The following LINGO2 variants were observed in gnomAD, a reference collection of about 807,000 sequenced individuals.
LINGO2 encodes leucine-rich repeat and immunoglobulin-like domain-containing nogo receptor-interacting protein 2.
LINGO2 carries 14 observed loss-of-function variants against 30.6 expected under a neutral mutation model. The observed-to-expected ratio is 0.46, with a 90% CI of 0.30 to 0.72. The LOEUF (loss-of-function observed/expected upper bound fraction) is 0.72, where lower values mean the gene tolerates loss of function less well. Ranked by LOEUF, LINGO2 falls within the 30% of genes least tolerant of loss-of-function variation. The pLI is 0.07. For missense variants in LINGO2, 729 were observed against 751.7 expected (o/e 0.97, Z 0.35); for synonymous variants, 317 against 288.5 (o/e 1.10, Z -1.00).
chr9:29,138,300 T>C, the LINGO2 span, among the ~76,000 whole-genome samples: 1 of 149,206 alleles, frequency 6.7e-6, no homozygotes, highest in Non-Finnish European at 1.5e-5. Flanking sequence ...GTTCCCTTCT[T>C]TTTCACTGGA....
chr9:28,739,615 T>C, the LINGO2 span, among the ~76,000 whole-genome samples: 3 of 151,884 alleles, frequency 2.0e-5, no homozygotes, highest in Non-Finnish European at 4.4e-5. Flanking sequence ...GATTTTTAAA[T>C]ATTATGAAAC....
At chr9:28,349,287 T>C (rs1819743979) in intron 3 of LINGO2, among the ~76,000 whole-genome samples, 4 of 147,042 alleles carry the variant, frequency 2.7e-5, no homozygotes, top group Non-Finnish European at 6.0e-5. Context: ...GAATAACCAA[T>C]ACAGAGAAGT....
chr9:28,992,302 A>T, the LINGO2 span, among the ~76,000 whole-genome samples: 9 of 152,184 alleles, frequency 5.9e-5, no homozygotes, highest in Non-Finnish European at 1.2e-4. Flanking sequence ...GATCAATACA[A>T]CAAGAAGAGC....
At chr9:28,798,544 G>A in the LINGO2 span, among the ~76,000 whole-genome samples, 1 of 152,088 alleles carries the variant, frequency 6.6e-6, no homozygotes, top group East Asian at 1.9e-4. Flanking sequence ...GCCATGACTT[G>A]AAAAAGGACG....
chr9:28,421,040 C>A (rs1823173967), intron 2 of LINGO2, among the ~76,000 whole-genome samples: 1 of 151,686 alleles, frequency 6.6e-6, no homozygotes, highest in Non-Finnish European at 1.5e-5. Context: ...TTAATATCTC[C>A]CAAGGTAAAT....
chr9:28,383,841 T>C (rs185362792), intron 2 of LINGO2, among the ~76,000 whole-genome samples: 14 of 152,168 alleles, frequency 9.2e-5, no homozygotes, highest in Non-Finnish European at 1.8e-4. Flanking sequence ...GGAAAATACA[T>C]CTGTTTTGTA....
chr9:28,037,484 C>G (rs1382303079), intron 4 of LINGO2, among the ~76,000 whole-genome samples: 1 of 151,512 alleles, frequency 6.6e-6, no homozygotes, highest in Non-Finnish European at 1.5e-5. Flanking sequence ...AAAAAAAAGT[C>G]TTCTGAGAGC....
chr9:28,940,354 A>C, the LINGO2 span, among the ~76,000 whole-genome samples: 2 of 152,276 alleles, frequency 1.3e-5, no homozygotes, highest in African/African-American at 4.8e-5. Flanking sequence ...CCAGATTATA[A>C]AGCTAATCAG....
the LINGO2 span, among the ~76,000 whole-genome samples, chr9:28,972,211 A>G: frequency 6.6e-5 from 10 of 152,240 alleles, no homozygotes; most frequent in Admixed American, 1.3e-4. Context: ...ACACTGTAAT[A>G]TATGCCTAAC....
intron 2 of LINGO2, among the ~76,000 whole-genome samples, chr9:28,432,426 G>A (rs1034241157): frequency 6.6e-6 from 1 of 151,422 alleles, no homozygotes; most frequent in Admixed American, 6.6e-5. Flanking sequence ...ACATAAAATA[G>A]AAATATTTCA....
chr9:29,072,464 G>T, the LINGO2 span, among the ~76,000 whole-genome samples: 1 of 151,374 alleles, frequency 6.6e-6, no homozygotes, highest in South Asian at 2.1e-4. Flanking sequence ...ATATATTTAG[G>T]ATACATGAAC....
At chr9:28,555,842 T>C (rs942702028) in intron 1 of LINGO2, among the ~76,000 whole-genome samples, 1 of 151,988 alleles carries the variant, frequency 6.6e-6, no homozygotes, top group African/African-American at 2.4e-5. Context: ...GCTGGTTCAA[T>C]ATAAGCAAAT....
intron 1 of LINGO2, among the ~76,000 whole-genome samples, chr9:28,551,667 T>A (rs1234073142): frequency 6.6e-6 from 1 of 152,142 alleles, no homozygotes; most frequent in Non-Finnish European, 1.5e-5. Context: ...ATTCTATTTT[T>A]ATTTATATGC....
chr9:28,395,818 C>G (rs1822018416), intron 2 of LINGO2, among the ~76,000 whole-genome samples: 1 of 152,196 alleles, frequency 6.6e-6, no homozygotes, highest in African/African-American at 2.4e-5. Flanking sequence ...GGCAAATTCA[C>G]ACTCCTCTGT....
intron 4 of LINGO2, among the ~76,000 whole-genome samples, chr9:28,016,925 G>A (rs1457312795): frequency 6.6e-6 from 1 of 152,038 alleles, no homozygotes; most frequent in African/African-American, 2.4e-5. Context: ...GATGAACATA[G>A]ATGGAAAAAT....
chr9:28,249,341 C>T (rs142990240), intron 4 of LINGO2, among the ~76,000 whole-genome samples: 75 of 152,124 alleles, frequency 4.9e-4, no homozygotes, highest in African/African-American at 1.8e-3. Context: ...ATTTGATATG[C>T]TCAGACCAGT....
At position 28,186,511 on chromosome 9, in the gene LINGO2, C is replaced by T. The variant is rs146525844; in HGVS notation, c.-87+108697G>A. Reference sequence around the variant, plus strand: ...TGTTCTAGACAGATGAGACAATGAACAAAATAAATGCAAAAATATAAGAGT... The same window carrying T: ...TGTTCTAGACAGATGAGACAATGAATAAAATAAATGCAAAAATATAAGAGT... On this transcript the variant is annotated intron_variant, in intron 4 of 5. Coordinates refer to ENST00000379992, the Ensembl canonical transcript of LINGO2. 7.8e-4 allele frequency among the ~76,000 whole-genome samples: 119 copies of T among 151,688 alleles called. No individual in the cohort carries two copies. The East Asian group carries it at 0.021, about 27-fold the overall frequency.
intron 4 of LINGO2, among the ~76,000 whole-genome samples, chr9:28,067,753 A>G (rs1256535965): frequency 6.6e-6 from 1 of 152,162 alleles, no homozygotes; most frequent in Admixed American, 6.6e-5. Flanking sequence ...TACCGATAAT[A>G]TCTCACATTT....
chr9:28,702,868 G>T, the LINGO2 span, among the ~76,000 whole-genome samples: 1 of 151,722 alleles, frequency 6.6e-6, no homozygotes, highest in African/African-American at 2.4e-5. Context: ...TTTCATCTCG[G>T]TTTTCAAGAA....
Sources: gnomAD v4.1 joint callset for allele counts (sites outside exome capture counted in the v4.1 genomes callset) on GRCh38, gnomAD v4.1.1 for gene constraint, MANE v1.5 for transcripts, NCBI Gene and HGNC (gene_info 2026-07-23, HGNC 2026-07-21) for gene names.